FBN3: variants seen among roughly 807,000 people sequenced by gnomAD.
FBN3 encodes the protein fibrillin-3.
Under a neutral mutation model 330.1 loss-of-function variants are expected in FBN3, and 234 were observed. That is an observed-to-expected ratio of 0.71 (90% CI 0.64 to 0.79). FBN3 has a LOEUF of 0.79. Among genes scored for constraint, FBN3 ranks in the 30% least tolerant of loss-of-function variants. FBN3 has a pLI of 0.00. For synonymous variants in FBN3, 1,458 were observed against 1,517.3 expected, an observed-to-expected ratio of 0.96 and a Z score of 0.91; for missense variants, 3,606 against 3,886.9, an observed-to-expected ratio of 0.93 and a Z score of 1.92.
At chr19:8,130,877 T>C (rs1472250437) in intron 16 of FBN3, among the ~76,000 whole-genome samples, 1 of 150,654 alleles carries the variant, frequency 6.6e-6, no homozygotes, top group South Asian at 2.1e-4. Flanking sequence ...GGGGGGAGTT[T>C]TGGACACAGA....
Position 8,096,182 on chromosome 19 carries a change from G to T in FBN3, c.5540-102C>A. ...ACCTAGCACTCCTCCCCTGCACCTA[G>T]CCCTGCCTAGATGACTGGGCAGTGA... On this transcript the variant is annotated intron_variant, in intron 44 of 63. Coordinates refer to ENST00000600128, the MANE Select transcript of FBN3 (RefSeq NM_032447.5). This position sits in a 1 kb window ranked among gnomAD's most constrained non-coding sequence, Gnocchi z 4.6. 1.0e-6 allele frequency: 1 copy of T among 959,828 alleles called. No homozygotes were observed. The highest frequency in any genetic ancestry group is 1.7e-6 in the Non-Finnish European group (1 of 594,466). 59.5% of individuals were successfully genotyped at this position (959,828 alleles called of 1,614,324 possible).
intron 41 of FBN3, among the ~76,000 whole-genome samples, chr19:8,100,435 T>G (rs2082303336): frequency 6.6e-6 from 1 of 151,970 alleles, no homozygotes; most frequent in South Asian, 2.1e-4. Context: ...CCTCCTGGGT[T>G]CAAGCAATTC....
At chr19:8,147,217 C>A (rs1391674908) in intron 2 of FBN3, 31 bp from the exon 3 acceptor site, 6 of 1,558,050 alleles carry the variant, frequency 3.9e-6, no homozygotes, top group Non-Finnish European at 4.3e-6. Context: ...GTCTGGTGAG[C>A]CCCTGCCCGT....
chr19:8,111,595 GC>G, intron 32 of FBN3, 52 bp downstream of exon 32: 1 of 1,382,922 alleles, frequency 7.2e-7, no homozygotes, highest in Non-Finnish European at 1.0e-6. Context: ...CGTGAATTCA[GC>G]CCCCGTGGCT....
At chr19:8,128,975 T>C in intron 18 of FBN3, 53 bp downstream of exon 18, 1 of 1,564,608 alleles carries the variant, frequency 6.4e-7, no homozygotes, top group East Asian at 2.3e-5. Context: ...ACATGCCAAG[T>C]ATGTTGGAGC....
At chr19:8,111,578 C>T (rs1215901253) in intron 32 of FBN3, 70 bp downstream of exon 32, 13 of 1,401,652 alleles carry the variant, frequency 9.3e-6, no homozygotes, top group Admixed American at 4.5e-5. Flanking sequence ...GTGACCATGG[C>T]AGCCACCGTG....
At chr19:8,085,678 G>A (rs2081927244) in intron 55 of FBN3, 109 bp from the exon 56 acceptor site, 2 of 802,796 alleles carry the variant, frequency 2.5e-6, no homozygotes, top group Admixed American at 3.2e-5. Context: ...GGGGACAGGG[G>A]TGTCCAGGAG....
chr19:8,133,613 G>A (rs777090127), intron 13 of FBN3, among the ~76,000 whole-genome samples: 7 of 151,952 alleles, frequency 4.6e-5, no homozygotes, highest in African/African-American at 7.2e-5. Flanking sequence ...ACCACGCCCG[G>A]CTAATTGTTT....
chr19:8,143,544 T>TCTGTACCA (rs911178817), intron 6 of FBN3, among the ~76,000 whole-genome samples: 8 of 144,996 alleles, frequency 5.5e-5, no homozygotes, highest in Non-Finnish European at 1.2e-4. Flanking sequence ...TCTTCCAGGC[T>TCTGTACCA]GGAGTACAGT....
At position 8,131,415 on chromosome 19, in the gene FBN3, G is replaced by A. The variant is rs1292219059; in HGVS notation, c.1991-127C>T. The A allele has an allele frequency of 4.7e-5, 67 of 1,434,770 alleles. 1 individual carries two copies. The highest frequency in any genetic ancestry group is 1.8e-4 in the Middle Eastern group (1 of 5,588). 88.9% of individuals were successfully genotyped at this position (1,434,770 alleles called of 1,614,324 possible). A position where few individuals can be genotyped will look rare whatever the true frequency, so the allele number is the denominator to read the frequency against. ...GGGACTAAGACACAACTCCAACCCC[G>A]GGGAGGGAGCAACTCCCTTCAGCCT... is the stretch of plus-strand genomic sequence containing the variant. On this transcript the variant is annotated intron_variant, in intron 15 of 63. Transcript: ENST00000600128. The surrounding 1 kb of genome is among the most constrained non-coding windows in gnomAD (Gnocchi z 4.5).
At chr19:8,128,881 G>A in intron 18 of FBN3, 147 bp downstream of exon 18, 10 of 943,086 alleles carry the variant, frequency 1.1e-5, no homozygotes, top group Non-Finnish European at 1.6e-5. Flanking sequence ...ATGTGTGTGT[G>A]CACACTACAT....
chr19:8,070,163 GA>G (rs952073987), intron 63 of FBN3, among the ~76,000 whole-genome samples: 77 of 152,144 alleles, frequency 5.1e-4, no homozygotes, highest in African/African-American at 1.8e-3. Context: ...AACTAGAGGG[GA>G]AAAAGGGCCT....
Position 8,126,841 on chromosome 19 carries a change from A to AC in FBN3, c.2297-10dup, listed in dbSNP as rs780698504. The AC allele has an allele frequency of 6.5e-7, 1 of 1,540,638 alleles. No individual in the cohort carries two copies. The highest frequency in any genetic ancestry group is 1.4e-5 in the African/African-American group (1 of 72,436). On this transcript the variant is annotated splice_polypyrimidine_tract_variant and intron_variant, in intron 18 of 63. Coordinates refer to ENST00000600128, the MANE Select transcript of FBN3 (RefSeq NM_032447.5). ...CAGGCATTCGTCGACATCTGTGGGG[A>AC]CAGCCCCCCACCAGGTCCTGAGCTG...
At chr19:8,117,876 AC>A (rs2082742080) in intron 26 of FBN3, among the ~76,000 whole-genome samples, 1 of 152,040 alleles carries the variant, frequency 6.6e-6, no homozygotes, top group Non-Finnish European at 1.5e-5. Flanking sequence ...ACAGACACAC[AC>A]AGGCACACTC....
chr19:8,112,209 G>C, intron 30 of FBN3, 110 bp from the exon 31 acceptor site: 1 of 1,194,324 alleles, frequency 8.4e-7, no homozygotes, highest in East Asian at 2.6e-5. Flanking sequence ...AGCTGGCCCA[G>C]AAAGCCTCCT....
rs541034267 is a variant in FBN3 at position 8,128,114 on chromosome 19, G to A, written c.2296+914C>T. Among the ~76,000 whole-genome samples, 95 of 152,346 alleles carry A rather than the reference G, an allele frequency of 6.2e-4. 1 individual carries two copies. The highest frequency in any genetic ancestry group is 1.1e-3 in the Non-Finnish European group (75 of 68,038). On this transcript the variant is annotated intron_variant, in intron 18 of 63. Coordinates refer to ENST00000600128, the MANE Select transcript of FBN3 (RefSeq NM_032447.5). ...ATGTGGAACTTCCGTGCCTGCTCTC[G>A]GCATGCCGCCCTGCCAGCACACAGA...
intron 24 of FBN3, 61 bp downstream of exon 24, chr19:8,123,399 CTTAT>C (rs1191492811): frequency 6.5e-7 from 1 of 1,546,206 alleles, no homozygotes; most frequent in East Asian, 2.3e-5. Context: ...GTCTCTACGT[CTTAT>C]TTGAGGCCCC....
Position 8,078,233 on chromosome 19 carries a change from A to T in FBN3, c.7453+2770T>A, listed in dbSNP as rs73923961. Among the ~76,000 whole-genome samples the T allele has an allele frequency of 1.2e-3, 184 of 152,300 alleles. 2 individuals carry two copies. The highest frequency in any genetic ancestry group is 4.3e-3 in the African/African-American group (180 of 41,582). Reference sequence around the variant, plus strand: ...AGCAGACAGGAACACCCTGAGACAAAATCCAAGCCACTGTCTGTTGTATCA... The same window carrying T: ...AGCAGACAGGAACACCCTGAGACAATATCCAAGCCACTGTCTGTTGTATCA... On this transcript the variant is annotated intron_variant, in intron 59 of 63. Coordinates refer to ENST00000600128, the MANE Select transcript of FBN3 (RefSeq NM_032447.5).
intron 21 of FBN3, 138 bp from the exon 22 acceptor site, chr19:8,126,155 C>T: frequency 6.9e-7 from 1 of 1,440,482 alleles, no homozygotes; most frequent in South Asian, 1.2e-5. Flanking sequence ...TCAAGAAGGC[C>T]TGGGGACCAG....
Sources: allele counts gnomAD v4.1 joint callset (sites outside exome capture counted in the v4.1 genomes callset), GRCh38; gene constraint gnomAD v4.1.1; non-coding constraint Gnocchi (gnomAD v3.1); transcripts MANE v1.5; gene names NCBI Gene and HGNC (gene_info 2026-07-23, HGNC 2026-07-21).